Variants in SAMD3 observed in about 807,000 individuals in gnomAD.
SAMD3 encodes the protein sterile alpha motif domain-containing protein 3.
SAMD3 carries 63 observed loss-of-function variants against 58.5 expected under a neutral mutation model. The observed-to-expected ratio is 1.08, with a 90% CI of 0.88 to 1.33. The LOEUF (loss-of-function observed/expected upper bound fraction) is 1.33, where lower values mean the gene tolerates loss of function less well. Ranked by LOEUF, SAMD3 falls within the 40% of genes most tolerant of loss-of-function variation. The pLI is 0.00. For missense variants in SAMD3, 604 were observed against 608.4 expected (o/e 0.99, Z 0.08); for synonymous variants, 220 against 210.3 (o/e 1.05, Z -0.40).
intron 5 of SAMD3, among the ~76,000 whole-genome samples, chr6:130,204,656 C>G (rs1218217795): frequency 6.6e-6 from 1 of 151,498 alleles, no homozygotes; most frequent in Non-Finnish European, 1.5e-5. Flanking sequence ...CAATGTGCCA[C>G]AGCACTCTAG....
At chr6:130,330,672 T>C (rs912915216) in intron 1 of SAMD3, among the ~76,000 whole-genome samples, 2 of 152,180 alleles carry the variant, frequency 1.3e-5, no homozygotes, top group Non-Finnish European at 2.9e-5. Flanking sequence ...GCCAGGAATT[T>C]GTAGCAACCA....
chr6:130,152,536 G>T (rs983924903), intron 9 of SAMD3, among the ~76,000 whole-genome samples: 25 of 152,074 alleles, frequency 1.6e-4, no homozygotes, highest in African/African-American at 4.3e-4. Context: ...AATTAGCCAG[G>T]CGTGGTGGCG....
At position 130,144,426 on chromosome 6, in the gene SAMD3, A is replaced by ATACC. The variant is rs1190107949; in HGVS notation, c.*90_*93dup. 1 of 1,187,446 alleles carries ATACC rather than the reference A, an allele frequency of 8.4e-7. No individual in the cohort carries two copies. Among genetic ancestry groups the ATACC allele is most frequent in the Non-Finnish European group, 1.2e-6 (1 of 843,952 alleles). 73.6% of individuals were successfully genotyped at this position (1,187,446 alleles called of 1,614,324 possible). A position where few individuals can be genotyped will look rare whatever the true frequency, so the allele number is the denominator to read the frequency against. ...TCTATAAATACAAGATGATTTTCTC[A>ATACC]TACCTACCTCTACCACAACCCTAAA... On this transcript the variant is annotated 3_prime_UTR_variant, in exon 12 of 12. Transcript: ENST00000439090.
chr6:130,248,637 G>GA (rs1773637894), intron 2 of SAMD3, among the ~76,000 whole-genome samples: 1 of 152,090 alleles, frequency 6.6e-6, no homozygotes, highest in Non-Finnish European at 1.5e-5. Context: ...TCAGGAGAAA[G>GA]AAAAAAGCAA....
intron 2 of SAMD3, among the ~76,000 whole-genome samples, chr6:130,247,116 G>C (rs4431460): frequency 6.6e-6 from 1 of 152,094 alleles, no homozygotes; most frequent in Admixed American, 6.6e-5. Flanking sequence ...CTGCACATTA[G>C]AAATAAAAGG....
chr6:130,290,794 A>T (rs902328718), intron 2 of SAMD3, among the ~76,000 whole-genome samples: 1 of 152,238 alleles, frequency 6.6e-6, no homozygotes, highest in Non-Finnish European at 1.5e-5. Context: ...GTAAATGTGC[A>T]GTAAATTTGG....
At chr6:130,258,810 A>C in intron 2 of SAMD3, among the ~76,000 whole-genome samples, 1 of 152,142 alleles carries the variant, frequency 6.6e-6, no homozygotes, top group Non-Finnish European at 1.5e-5. Flanking sequence ...TATATCCCAC[A>C]GATTTGATGT....
intron 1 of SAMD3, among the ~76,000 whole-genome samples, chr6:130,354,716 C>T (rs180685754): frequency 5.3e-4 from 81 of 152,216 alleles, no homozygotes; most frequent in African/African-American, 1.8e-3. Flanking sequence ...GTTTAGTACA[C>T]GGGTGACAAA....
At chr6:130,236,583 C>G (rs930033926) in intron 2 of SAMD3, among the ~76,000 whole-genome samples, 1 of 152,070 alleles carries the variant, frequency 6.6e-6, no homozygotes, top group African/African-American at 2.4e-5. Flanking sequence ...GAGGTTTCAC[C>G]ATGTTGGCCA....
chr6:130,203,096 C>A (rs1794790377), intron 5 of SAMD3, among the ~76,000 whole-genome samples: 1 of 152,146 alleles, frequency 6.6e-6, no homozygotes, highest in African/African-American at 2.4e-5. Flanking sequence ...AGCCCTGAGT[C>A]CTGGGAAGGC....
rs140613051 is a variant in SAMD3 at position 130,184,102 on chromosome 6, C to A, written c.654+1G>T. On this transcript the variant is annotated splice_donor_variant, in intron 7 of 11. Coordinates refer to ENST00000439090, the MANE Select transcript of SAMD3 (RefSeq NM_001017373.4). LOFTEE classifies it high-confidence loss of function. ...CAGGATGGTGCCATGTGGTCACTTA[C>A]GAAGCCACAGCCATCCTCATCCAGG... The A allele has an allele frequency of 2.4e-5, 38 of 1,612,528 alleles. No individual in the cohort carries two copies. Among genetic ancestry groups the A allele is most frequent in the Non-Finnish European group, 3.1e-5 (36 of 1,178,724 alleles).
intron 1 of SAMD3, among the ~76,000 whole-genome samples, chr6:130,220,713 C>T (rs529684824): frequency 1.1e-4 from 17 of 151,912 alleles, no homozygotes; most frequent in South Asian, 4.2e-4. Context: ...GTAAAAAGAA[C>T]GAAAAATGCT....
chr6:130,182,012 T>C (rs1327885729), intron 7 of SAMD3, among the ~76,000 whole-genome samples: 8 of 146,880 alleles, frequency 5.4e-5, no homozygotes, highest in Admixed American at 1.4e-4. Flanking sequence ...TTGCAGTGAG[T>C]CGAGATCGTG....
rs142738659 is a variant in SAMD3, at chr6:130,311,088, C to T, written c.-188+1890G>A. ...GAGCCAGGGCCCTGACAAAGAACCA[C>T]ACATACCGTGCACCACCTCACCTCC... On this transcript the variant is annotated intron_variant, in intron 2 of 13. Coordinates refer to the SAMD3 transcript ENST00000368134. 5.0e-3 allele frequency among the ~76,000 whole-genome samples: 762 copies of T among 152,258 alleles called. 5 individuals are homozygous for T. The highest frequency in any genetic ancestry group is 0.018 in the African/African-American group (736 of 41,538).
intron 2 of SAMD3, among the ~76,000 whole-genome samples, chr6:130,290,113 A>G (rs1481750858): frequency 6.6e-6 from 1 of 152,218 alleles, no homozygotes; most frequent in East Asian, 1.9e-4. Flanking sequence ...ATATACAAAT[A>G]TACATGTATT....
At chr6:130,308,364 TATTCTATTCTATTCTATTCTATTCTATTC>T (rs1775988152) in intron 2 of SAMD3, among the ~76,000 whole-genome samples, 3 of 51,796 alleles carry the variant, frequency 5.8e-5, no homozygotes, top group Non-Finnish European at 1.2e-4. Context: ...TATTCTATTC[TATTCTATTCTATTCTATTCTATTCTATTC>T]TATTCTATTC....
At chr6:130,228,411 A>C (rs1181741196) in intron 2 of SAMD3, among the ~76,000 whole-genome samples, 1 of 152,174 alleles carries the variant, frequency 6.6e-6, no homozygotes, top group African/African-American at 2.4e-5. Flanking sequence ...CTGGGCTAAC[A>C]AAATGGAATT....
In SAMD3 at chr6:130,194,617, A is replaced by T. The variant is rs530544871; in HGVS notation, c.384-9994T>A. 1.1e-4 allele frequency among the ~76,000 whole-genome samples: 17 copies of T among 152,340 alleles called. No homozygotes were observed. In the South Asian group the frequency reaches 3.5e-3, roughly 32 times the overall value. On this transcript the variant is annotated intron_variant, in intron 5 of 11. Coordinates refer to ENST00000439090, the MANE Select transcript of SAMD3 (RefSeq NM_001017373.4). ...CCTCCTCTCCCAGGAGCTTGCTACAAGTGCCAGAAATCTGGCCACTGGGCC... is the reference window on the plus strand; with the variant it reads ...CCTCCTCTCCCAGGAGCTTGCTACATGTGCCAGAAATCTGGCCACTGGGCC...
intron 7 of SAMD3, among the ~76,000 whole-genome samples, chr6:130,181,913 A>G (rs1337620841): frequency 6.6e-6 from 1 of 152,124 alleles, no homozygotes; most frequent in Non-Finnish European, 1.5e-5. Flanking sequence ...AAAATACAAC[A>G]AATTACCTGG....
Sources: gnomAD v4.1 joint callset for allele counts (sites outside exome capture counted in the v4.1 genomes callset) on GRCh38, gnomAD v4.1.1 for gene constraint, MANE v1.5 for transcripts, NCBI Gene and HGNC (gene_info 2026-07-23, HGNC 2026-07-21) for gene names.